Variants in GRM4 observed in about 807,000 individuals in gnomAD.
The protein encoded by GRM4 is metabotropic glutamate receptor 4.
A neutral mutation model predicts 81.7 loss-of-function variants in GRM4; 28 were observed. The observed-to-expected ratio is 0.34, with a 90% CI of 0.25 to 0.47. The LOEUF is 0.47. Ranked by LOEUF, GRM4 falls within the 20% of genes least tolerant of loss-of-function variation. The pLI, the probability that GRM4 is intolerant of heterozygous loss-of-function variation, is 1.00. For missense variants in GRM4, 948 were observed against 1,290.0 expected, an observed-to-expected ratio of 0.73 and a Z score of 4.06; for synonymous variants, 488 against 528.8, an observed-to-expected ratio of 0.92 and a Z score of 1.06.
intron 2 of GRM4, among the ~76,000 whole-genome samples, 160 bp downstream of exon 2, chr6:34,132,818 G>C (rs1397841703): frequency 6.6e-6 from 1 of 152,212 alleles, no homozygotes; most frequent in Non-Finnish European, 1.5e-5. Context: ...AGGAAGAGCT[G>C]CCCCAAATTC....
At chr6:34,085,179 AG>A (rs957471873) in intron 3 of GRM4, among the ~76,000 whole-genome samples, 6 of 152,204 alleles carry the variant, frequency 3.9e-5, no homozygotes, top group African/African-American at 1.2e-4. Context: ...AAAGGAGGGC[AG>A]GGGGCACAGC....
At chr6:34,076,548 G>A (rs965434543) in intron 3 of GRM4, among the ~76,000 whole-genome samples, 21 of 152,212 alleles carry the variant, frequency 1.4e-4, no homozygotes, top group African/African-American at 1.4e-4. Context: ...GGCCCACACC[G>A]GGGAGGAGGG....
Position 34,068,630 on chromosome 6 carries a change from C to A in GRM4, c.737-6602G>T, listed in dbSNP as rs1449064704. 6.6e-6 allele frequency among the ~76,000 whole-genome samples: 1 copy of A among 152,228 alleles called. No individual in the cohort carries two copies. The highest frequency in any genetic ancestry group is 2.4e-5 in the African/African-American group (1 of 41,462). ...TCAAAGACCCATCCCCCCGCACCAC[C>A]ACTTGTGGGATGTGCCTATCTCATG... On this transcript the variant is annotated intron_variant, in intron 3 of 10. Transcript: ENST00000538487. The surrounding 1 kb of genome is among the most constrained non-coding windows in gnomAD (Gnocchi z 4.2).
At position 34,040,218 on chromosome 6, in the gene GRM4, T is replaced by A. The variant is rs1266934150; in HGVS notation, c.1466A>T (p.Tyr489Phe). The change falls in exon 8 of 11, where the codon TAC becomes TTC. Residue 489 changes from tyrosine to phenylalanine, a missense_variant. Coordinates refer to ENST00000538487, the MANE Select transcript of GRM4 (RefSeq NM_000841.4). Reference sequence around the variant, plus strand: ...GTCAGTCCAGGAGCCAATGACCTTGTACTCGGCAGAATCGTTGCGCAGCTG... The same window carrying A: ...GTCAGTCCAGGAGCCAATGACCTTGAACTCGGCAGAATCGTTGCGCAGCTG... ...QYQLRNDSAE[Y>F]KVIGSWTDHL... is the part of the protein sequence containing the mutation. The A allele has an allele frequency of 6.2e-7, 1 of 1,614,200 alleles. No homozygotes were observed. The highest frequency in any genetic ancestry group is 2.2e-5 in the East Asian group (1 of 44,876).
At chr6:34,076,138 G>A (rs1311665487) in intron 3 of GRM4, among the ~76,000 whole-genome samples, 1 of 152,260 alleles carries the variant, frequency 6.6e-6, no homozygotes, top group African/African-American at 2.4e-5. Flanking sequence ...AGACAGTGCA[G>A]GCTGGGATGA....
intron 3 of GRM4, among the ~76,000 whole-genome samples, chr6:34,067,438 G>GTCCTTCCCTCCCTCCC (rs1766532767): frequency 2.5e-5 from 1 of 39,236 alleles, no homozygotes; most frequent in Non-Finnish European, 4.8e-5. Flanking sequence ...CCCTCCCTCC[G>GTCCTTCCCTCCCTCCC]TCCTTCCTTC....
At chr6:34,100,357 C>T (rs561418794) in intron 2 of GRM4, among the ~76,000 whole-genome samples, 47 of 152,350 alleles carry the variant, frequency 3.1e-4, no homozygotes, top group African/African-American at 1.0e-3. Context: ...CCTATCACAC[C>T]GTGATCTGCA....
At chr6:34,091,604 G>T in intron 3 of GRM4, 1 of 472,290 alleles carries the variant, frequency 2.1e-6, no homozygotes. Flanking sequence ...GAGGAGAGCG[G>T]CCGCCCCGCA....
intron 1 of GRM4, among the ~76,000 whole-genome samples, chr6:34,141,488 G>A (rs995482761): frequency 1.1e-4 from 16 of 152,108 alleles, no homozygotes; most frequent in Admixed American, 6.5e-4. Context: ...TTTAATATAC[G>A]TGTGTACACA....
intron 2 of GRM4, among the ~76,000 whole-genome samples, chr6:34,124,911 C>T (rs372564989): frequency 2.0e-5 from 3 of 152,194 alleles, no homozygotes; most frequent in East Asian, 3.9e-4. Flanking sequence ...GCCCCATCAG[C>T]TCCTACCTGG....
intron 2 of GRM4, among the ~76,000 whole-genome samples, chr6:34,126,373 C>T (rs903769023): frequency 4.6e-5 from 7 of 152,174 alleles, no homozygotes; most frequent in South Asian, 4.1e-4. Context: ...CCAATTATTT[C>T]ACCTCAGTCA....
chr6:34,053,461 C>T (rs1765708562), intron 6 of GRM4, among the ~76,000 whole-genome samples: 1 of 152,136 alleles, frequency 6.6e-6, no homozygotes, highest in African/African-American at 2.4e-5. Flanking sequence ...CAGAGATAGA[C>T]AGAGAGGCTC....
In GRM4 at chr6:34,059,337, A is replaced by C. The variant is rs1581632429; in HGVS notation, c.873-209T>G. On this transcript the variant is annotated intron_variant, in intron 4 of 10. Coordinates refer to ENST00000538487, the MANE Select transcript of GRM4 (RefSeq NM_000841.4). The surrounding 1 kb of genome is among the most constrained non-coding windows in gnomAD (Gnocchi z 5.7). ...TAGACCCATGGCTACCGCCTCATCC[A>C]ACCTGCCTGCCCCTGGGCCCACGCC... is the stretch of plus-strand genomic sequence containing the variant. 1 of 588,956 alleles carries C rather than the reference A, an allele frequency of 1.7e-6. No individual in the cohort carries two copies. Among genetic ancestry groups the C allele is most frequent in the Non-Finnish European group, 3.0e-6 (1 of 329,864 alleles). 36.5% of individuals were successfully genotyped at this position (588,956 alleles called of 1,614,324 possible). A position where few individuals can be genotyped will look rare whatever the true frequency, so the allele number is the denominator to read the frequency against.
chr6:34,132,096 G>C (rs1003454221), intron 2 of GRM4, among the ~76,000 whole-genome samples: 2 of 152,232 alleles, frequency 1.3e-5, no homozygotes, highest in African/African-American at 4.8e-5. Context: ...TGTTTTAGCA[G>C]CTTAGCGAAG....
rs182474169 is a variant in GRM4 at position 34,145,588 on chromosome 6, G to C, written c.-364+412C>G. Among the ~76,000 whole-genome samples the C allele has an allele frequency of 1.0e-3, 158 of 152,290 alleles. 1 individual carries two copies. Among genetic ancestry groups the C allele is most frequent in the African/African-American group, 3.4e-3 (143 of 41,594 alleles). ...AGAGCGAGCTAGAGAGCGCGCTGGA[G>C]AGCGAGCGAGAGAGGGAGCGAGAGA... On this transcript the variant is annotated intron_variant, in intron 1 of 10. Coordinates refer to ENST00000538487, the MANE Select transcript of GRM4 (RefSeq NM_000841.4).
chr6:34,034,843 T>G lies in GRM4; in HGVS notation c.2442+825A>C, dbSNP rs534925296. On this transcript the variant is annotated intron_variant, in intron 9 of 10. Transcript: ENST00000538487. This position sits in a 1 kb window ranked among gnomAD's most constrained non-coding sequence, Gnocchi z 4.0. ...GTGCACCTTGATGCCCTGCCTTCAG[T>G]GACTCCCAGTACTTCCAGATAACAC... Among the ~76,000 whole-genome samples, 6 of 152,308 alleles carry G rather than the reference T, an allele frequency of 3.9e-5. No homozygotes were observed. The highest frequency in any genetic ancestry group is 1.4e-4 in the African/African-American group (6 of 41,546).
rs1273515636 is a variant in GRM4 at position 34,019,999 on chromosome 6, G to A, written c.*2822C>T. The A allele has an allele frequency of 6.6e-6, 1 of 152,306 alleles. No individual in the cohort carries two copies. Among genetic ancestry groups the A allele is most frequent in the Non-Finnish European group, 1.5e-5 (1 of 68,146 alleles). The allele number at this position is 152,306 out of a possible 1,614,324, so 9.4% of individuals were successfully genotyped here. ...GCTGCAGCAGGTCTAGCTGGCAAAA[G>A]TCTTGCTAGGGCCTGGTTCCCTCCT... is the stretch of plus-strand genomic sequence containing the variant. On this transcript the variant is annotated 3_prime_UTR_variant, in exon 11 of 11. Coordinates refer to ENST00000538487, the MANE Select transcript of GRM4 (RefSeq NM_000841.4).
chr6:34,101,547 G>C (rs1258186891), intron 2 of GRM4, among the ~76,000 whole-genome samples: 1 of 152,246 alleles, frequency 6.6e-6, no homozygotes, highest in Non-Finnish European at 1.5e-5. Flanking sequence ...GCAGCCTCTA[G>C]TGAGAAGGCC....
intron 1 of GRM4, among the ~76,000 whole-genome samples, chr6:34,142,847 C>A (rs1352557141): frequency 6.6e-6 from 1 of 152,196 alleles, no homozygotes; most frequent in Non-Finnish European, 1.5e-5. Flanking sequence ...GAGCGGCCTA[C>A]GCAAGGCCAC....
Sources: gnomAD v4.1 joint callset for allele counts (sites outside exome capture counted in the v4.1 genomes callset) on GRCh38, gnomAD v4.1.1 for gene constraint, Gnocchi (gnomAD v3.1) non-coding constraint, MANE v1.5 for transcripts, NCBI Gene and HGNC (gene_info 2026-07-23, HGNC 2026-07-21) for gene names.